Variants in PPP1R12B observed in about 807,000 individuals in gnomAD.
The protein encoded by PPP1R12B is protein phosphatase 1 regulatory subunit 12B.
PPP1R12B carries 76 observed loss-of-function variants against 126.1 expected under a neutral mutation model. The observed-to-expected ratio is 0.60, with a 90% CI of 0.50 to 0.73. The LOEUF (loss-of-function observed/expected upper bound fraction) is 0.73. Ranked by LOEUF, PPP1R12B falls within the 30% of genes least tolerant of loss-of-function variation. The pLI is 0.00. For synonymous variants in PPP1R12B, 356 were observed against 434.7 expected (o/e 0.82, Z 2.25); for missense variants, 1,052 against 1,205.1 (o/e 0.87, Z 1.88).
At chr1:202,458,923 C>T (rs1415042288) in intron 13 of PPP1R12B, among the ~76,000 whole-genome samples, 3 of 152,236 alleles carry the variant, frequency 2.0e-5, no homozygotes, top group Non-Finnish European at 4.4e-5. Context: ...GTAGAAGGTT[C>T]TCTCTCAGAA....
chr1:202,436,259 G>A (rs921123487), intron 9 of PPP1R12B, among the ~76,000 whole-genome samples: 71 of 151,254 alleles, frequency 4.7e-4, no homozygotes, highest in African/African-American at 1.6e-3. Flanking sequence ...GAGTGAGACC[G>A]TGTCTCAAAA....
chr1:202,461,692 A>G (rs1674327429), intron 13 of PPP1R12B, among the ~76,000 whole-genome samples: 1 of 152,152 alleles, frequency 6.6e-6, no homozygotes, highest in African/African-American at 2.4e-5. Flanking sequence ...CCTGCCTCTG[A>G]TGTCCTTACC....
At chr1:202,529,781 T>C (rs960623191) in intron 18 of PPP1R12B, among the ~76,000 whole-genome samples, 1 of 152,226 alleles carries the variant, frequency 6.6e-6, no homozygotes, top group Non-Finnish European at 1.5e-5. Context: ...CAGATATCTT[T>C]GAGAACTAAA....
At chr1:202,562,513 T>G (rs777756073) in intron 19 of PPP1R12B, 14 of 534,178 alleles carry the variant, frequency 2.6e-5, no homozygotes, top group Non-Finnish European at 4.9e-5. Context: ...AAGATTTAAG[T>G]CAGCTCATAG....
At chr1:202,365,531 C>T (rs1167625474) in intron 1 of PPP1R12B, among the ~76,000 whole-genome samples, 1 of 152,116 alleles carries the variant, frequency 6.6e-6, no homozygotes. Context: ...AACAGCTCTA[C>T]CAAATAGGTG....
chr1:202,360,529 T>C (rs1657973977), intron 1 of PPP1R12B, among the ~76,000 whole-genome samples: 1 of 151,998 alleles, frequency 6.6e-6, no homozygotes. Context: ...CCAAACATGG[T>C]GAAACCCTGT....
At chr1:202,577,621 G>A (rs1258415865) in intron 23 of PPP1R12B, among the ~76,000 whole-genome samples, 1 of 151,122 alleles carries the variant, frequency 6.6e-6, no homozygotes, top group Admixed American at 6.6e-5. Flanking sequence ...TCAGCATGTA[G>A]AGCAAACCAC....
intron 12 of PPP1R12B, among the ~76,000 whole-genome samples, chr1:202,447,114 T>C (rs1365869351): frequency 6.6e-6 from 1 of 152,198 alleles, no homozygotes; most frequent in Non-Finnish European, 1.5e-5. Flanking sequence ...ACTAGGTATA[T>C]TGCTGCCCTC....
chr1:202,419,588 A>G lies in PPP1R12B; in HGVS notation c.422+2671A>G, dbSNP rs1445409629. ...AAAAATTCGTCTTCTTGATTGTAGA[A>G]CATGGGAAAAGCAGGGTCCTGTATA... is the stretch of plus-strand genomic sequence containing the variant. On this transcript the variant is annotated intron_variant, in intron 2 of 23. Coordinates refer to ENST00000608999, the MANE Select transcript of PPP1R12B (RefSeq NM_002481.4). The surrounding 1 kb of genome is among the most constrained non-coding windows in gnomAD (Gnocchi z 4.6). 2.0e-5 allele frequency among the ~76,000 whole-genome samples: 3 copies of G among 152,198 alleles called. No homozygotes were observed. The highest frequency in any genetic ancestry group is 2.9e-5 in the Non-Finnish European group (2 of 68,044).
chr1:202,458,617 C>G (rs1021451013), intron 13 of PPP1R12B, among the ~76,000 whole-genome samples: 18 of 152,148 alleles, frequency 1.2e-4, no homozygotes, highest in African/African-American at 4.3e-4. Flanking sequence ...ATCATTTAAG[C>G]CTTTACAGAA....
rs747640 is a variant in PPP1R12B, at chr1:202,581,943, A to G, written c.*1383A>G. The G allele has an allele frequency of 0.51, 77,791 of 152,066 alleles. 22,880 individuals are homozygous for G. Among genetic ancestry groups the G allele is most frequent in the South Asian group, 0.69 (3,310 of 4,814 alleles). The allele number at this position is 152,066 out of a possible 1,614,324, so 9.4% of individuals were successfully genotyped here. A position where few individuals can be genotyped will look rare whatever the true frequency, so the allele number is the denominator to read the frequency against. Reference sequence around the variant, plus strand: ...AGGTCATTAGGTCCAGCTTTCTATTATTGTGTCACAGGGACCCCTGCTACC... The same window carrying G: ...AGGTCATTAGGTCCAGCTTTCTATTGTTGTGTCACAGGGACCCCTGCTACC... On this transcript the variant is annotated 3_prime_UTR_variant, in exon 24 of 24. Coordinates refer to ENST00000608999, the MANE Select transcript of PPP1R12B (RefSeq NM_002481.4).
chr1:202,578,606 C>T (rs1689302117), intron 23 of PPP1R12B, among the ~76,000 whole-genome samples: 1 of 152,180 alleles, frequency 6.6e-6, no homozygotes, highest in Admixed American at 6.5e-5. Flanking sequence ...ATTAAGTCTT[C>T]TTAATAAAGT....
At chr1:202,498,176 TC>T (rs1271164214) in intron 18 of PPP1R12B, among the ~76,000 whole-genome samples, 4 of 152,166 alleles carry the variant, frequency 2.6e-5, no homozygotes, top group African/African-American at 9.7e-5. Context: ...ATGCAGTACT[TC>T]CTAGGGAATT....
intron 1 of PPP1R12B, among the ~76,000 whole-genome samples, chr1:202,411,018 G>T (rs1667310603): frequency 6.6e-6 from 1 of 152,124 alleles, no homozygotes; most frequent in Non-Finnish European, 1.5e-5. Flanking sequence ...TCTCTGGAAG[G>T]TTTAGCATAG....
chr1:202,580,434 T>C (rs914222141), intron 23 of PPP1R12B, 40 bp from the exon 24 acceptor site: 1 of 1,550,086 alleles, frequency 6.5e-7, no homozygotes, highest in African/African-American at 1.4e-5. Context: ...AGGAGGATCC[T>C]GCCAGGCTCT....
intron 9 of PPP1R12B, among the ~76,000 whole-genome samples, chr1:202,436,435 TGAAAA>T (rs1340716668): frequency 6.6e-6 from 1 of 151,996 alleles, no homozygotes; most frequent in Non-Finnish European, 1.5e-5. Context: ...AGATGACTGA[TGAAAA>T]GAGAAAATCT....
intron 1 of PPP1R12B, among the ~76,000 whole-genome samples, chr1:202,409,513 G>C (rs1667111672): frequency 6.6e-6 from 1 of 151,696 alleles, no homozygotes; most frequent in African/African-American, 2.4e-5. Context: ...GTAGAGACAG[G>C]GTTTCACCAT....
intron 18 of PPP1R12B, among the ~76,000 whole-genome samples, chr1:202,547,321 C>G (rs899119784): frequency 6.6e-6 from 1 of 152,122 alleles, no homozygotes; most frequent in African/African-American, 2.4e-5. Context: ...TCTTTTAAGC[C>G]TCTTTTTTAT....
At chr1:202,473,118 G>T (rs761507455) in intron 13 of PPP1R12B, among the ~76,000 whole-genome samples, 1 of 152,160 alleles carries the variant, frequency 6.6e-6, no homozygotes, top group South Asian at 2.1e-4. Context: ...ATTCTTAATG[G>T]AATTGTAGCT....
Sources: gnomAD v4.1 joint callset for allele counts (sites outside exome capture counted in the v4.1 genomes callset) on GRCh38, gnomAD v4.1.1 for gene constraint, Gnocchi (gnomAD v3.1) non-coding constraint, MANE v1.5 for transcripts, NCBI Gene and HGNC (gene_info 2026-07-23, HGNC 2026-07-21) for gene names.